The following EPHB1 variants were observed in gnomAD, a reference collection of about 807,000 sequenced individuals.
The protein encoded by EPHB1 is EPH receptor B1.
EPHB1 carries 30 observed loss-of-function variants against 94.4 expected under a neutral mutation model. The ratio of observed to expected loss-of-function variants is 0.32; its 90% CI spans 0.24 to 0.43. The LOEUF is 0.43. Among genes scored for constraint, EPHB1 ranks in the 20% least tolerant of loss-of-function variants. The pLI, the probability that EPHB1 is intolerant of heterozygous loss-of-function variation, is 1.00. For synonymous variants in EPHB1, 522 were observed against 489.1 expected (o/e 1.07, Z -0.89); for missense variants, 1,055 against 1,308.3 (o/e 0.81, Z 2.99).
At chr3:134,941,993 G>C (rs188210332) in intron 2 of EPHB1, among the ~76,000 whole-genome samples, 6 of 152,282 alleles carry the variant, frequency 3.9e-5, no homozygotes, top group African/African-American at 4.8e-5. Context: ...GGATGTCACT[G>C]TTTCCTTTAT....
intron 1 of EPHB1, among the ~76,000 whole-genome samples, chr3:134,803,613 A>T (rs763089241): frequency 5.9e-5 from 9 of 152,218 alleles, no homozygotes; most frequent in Non-Finnish European, 1.2e-4. Flanking sequence ...AGCATTTGTC[A>T]TGTGCTGGTC....
chr3:135,177,807 C>A, intron 9 of EPHB1, among the ~76,000 whole-genome samples: 1 of 152,208 alleles, frequency 6.6e-6, no homozygotes, highest in East Asian at 1.9e-4. Flanking sequence ...TGCTTCCAAT[C>A]TGGTTTGACT....
At chr3:134,909,095 C>A (rs1436706751) in intron 1 of EPHB1, among the ~76,000 whole-genome samples, 2 of 117,846 alleles carry the variant, frequency 1.7e-5, no homozygotes, top group African/African-American at 3.6e-5. Flanking sequence ...CATCAGAGAA[C>A]AGTACACACA....
intron 1 of EPHB1, among the ~76,000 whole-genome samples, chr3:134,829,223 A>C (rs1257420757): frequency 6.6e-6 from 1 of 152,178 alleles, no homozygotes; most frequent in Non-Finnish European, 1.5e-5. Flanking sequence ...CACCACTAGC[A>C]TCTATTGAGA....
At chr3:135,097,061 A>G (rs562051594) in intron 3 of EPHB1, among the ~76,000 whole-genome samples, 22 of 140,796 alleles carry the variant, frequency 1.6e-4, no homozygotes, top group South Asian at 9.1e-4. Flanking sequence ...ATGCCACTGC[A>G]CTCCAGCCTG....
At chr3:135,228,351 C>A (rs1475242788) in intron 12 of EPHB1, among the ~76,000 whole-genome samples, 1 of 151,926 alleles carries the variant, frequency 6.6e-6, no homozygotes, top group Non-Finnish European at 1.5e-5. Context: ...GACAGTGTGC[C>A]CTTCTTAGGG....
At chr3:134,911,471 G>A (rs2038452780) in intron 1 of EPHB1, among the ~76,000 whole-genome samples, 1 of 152,128 alleles carries the variant, frequency 6.6e-6, no homozygotes, top group Non-Finnish European at 1.5e-5. Context: ...TGGTGGGGTG[G>A]AGTCAGGGTA....
At chr3:134,888,184 C>A (rs1488992076) in intron 1 of EPHB1, among the ~76,000 whole-genome samples, 1 of 152,148 alleles carries the variant, frequency 6.6e-6, no homozygotes, top group Non-Finnish European at 1.5e-5. Context: ...ATCACAGGGG[C>A]AGCCAGCCAG....
At chr3:134,881,289 G>A (rs543997384) in intron 1 of EPHB1, among the ~76,000 whole-genome samples, 1 of 152,162 alleles carries the variant, frequency 6.6e-6, no homozygotes, top group African/African-American at 2.4e-5. Flanking sequence ...ATGCTGGGGT[G>A]TAACATATAT....
At chr3:135,225,159 C>G (rs974644673) in intron 12 of EPHB1, among the ~76,000 whole-genome samples, 50 of 152,194 alleles carry the variant, frequency 3.3e-4, no homozygotes, top group Non-Finnish European at 5.9e-5. Context: ...GCCCTGCCCC[C>G]ACCTCCACCT....
Position 134,818,710 on chromosome 3 carries a change from T to C in EPHB1, c.58+23021T>C, listed in dbSNP as rs2036318679. ...CCGTTAATTCATTCCTTTTTATGGC[T>C]GAGTAGTATTTCATATTCTATCCTA... is the stretch of plus-strand genomic sequence containing the variant. On this transcript the variant is annotated intron_variant, in intron 1 of 15. Transcript: ENST00000398015. Among the ~76,000 whole-genome samples, 4 of 152,258 alleles carry C rather than the reference T, an allele frequency of 2.6e-5. No homozygotes were observed. In the South Asian group the frequency reaches 8.3e-4, roughly 32 times the overall value.
At chr3:134,983,513 A>G (rs1934488969) in intron 3 of EPHB1, among the ~76,000 whole-genome samples, 1 of 152,318 alleles carries the variant, frequency 6.6e-6, no homozygotes, top group East Asian at 1.9e-4. Context: ...TCTCCTCAGG[A>G]GAGGGGTCAT....
intron 3 of EPHB1, among the ~76,000 whole-genome samples, chr3:135,039,303 C>T (rs1223062687): frequency 6.6e-6 from 1 of 152,204 alleles, no homozygotes; most frequent in East Asian, 1.9e-4. Context: ...ATTTACAATC[C>T]CTGAGCTAGA....
At chr3:134,916,772 C>A (rs58466448) in intron 1 of EPHB1, among the ~76,000 whole-genome samples, 2 of 152,168 alleles carry the variant, frequency 1.3e-5, no homozygotes, top group South Asian at 4.1e-4. Context: ...CCAAGGGATC[C>A]GGCTCCGGCC....
Position 135,166,932 on chromosome 3 carries a change from T to C in EPHB1, c.1695-10T>C. On this transcript the variant is annotated splice_polypyrimidine_tract_variant and intron_variant, in intron 8 of 15. Coordinates refer to ENST00000398015, the MANE Select transcript of EPHB1 (RefSeq NM_004441.5). ...CCTGTGGCTGAGAGAGCCCCTCTTT[T>C]TATCCACAGGAAACGGGCTTATAGC... 6.2e-7 allele frequency: 1 copy of C among 1,614,008 alleles called. No homozygotes were observed. The highest frequency in any genetic ancestry group is 8.5e-7 in the Non-Finnish European group (1 of 1,179,910).
intron 12 of EPHB1, among the ~76,000 whole-genome samples, chr3:135,234,598 AC>A (rs779812176): frequency 6.6e-6 from 1 of 152,180 alleles, no homozygotes; most frequent in Non-Finnish European, 1.5e-5. Flanking sequence ...ATAAAGACAT[AC>A]CCAAGACAGG....
chr3:135,258,180 G>A (rs1444485582), intron 15 of EPHB1, among the ~76,000 whole-genome samples: 5 of 152,182 alleles, frequency 3.3e-5, no homozygotes, highest in African/African-American at 7.2e-5. Context: ...CGTCGCTCAC[G>A]CTGGGAGCTG....
chr3:134,972,510 ATAT>A (rs1363012316), intron 3 of EPHB1, among the ~76,000 whole-genome samples: 10 of 49,476 alleles, frequency 2.0e-4, no homozygotes, highest in African/African-American at 8.5e-4. Flanking sequence ...TTATAAATAT[ATAT>A]TATTATATAT....
chr3:134,937,044 T>C (rs1273193316), intron 2 of EPHB1, among the ~76,000 whole-genome samples: 1 of 152,186 alleles, frequency 6.6e-6, no homozygotes, highest in African/African-American at 2.4e-5. Context: ...TGAGCATAGC[T>C]GTCATAAGAG....
Sources: allele counts gnomAD v4.1 joint callset (sites outside exome capture counted in the v4.1 genomes callset), GRCh38; gene constraint gnomAD v4.1.1; transcripts MANE v1.5; gene names NCBI Gene and HGNC (gene_info 2026-07-23, HGNC 2026-07-21).